TTC7A: variants seen among roughly 807,000 people sequenced by gnomAD.
TTC7A encodes tetratricopeptide repeat domain 7A, also known as tetratricopeptide repeat protein 7A.
Under a neutral mutation model 103.7 loss-of-function variants are expected in TTC7A, and 110 were observed. The observed-to-expected ratio is 1.06, with a 90% CI of 0.91 to 1.24. The LOEUF (loss-of-function observed/expected upper bound fraction) is 1.24, where lower values mean the gene tolerates loss of function less well. TTC7A is among the 50% of genes most tolerant of loss of function. The pLI is 0.00. For missense variants in TTC7A, 1,340 were observed against 1,116.3 expected, an observed-to-expected ratio of 1.20 and a Z score of -2.86; for synonymous variants, 521 against 467.9, an observed-to-expected ratio of 1.11 and a Z score of -1.47.
intron 15 of TTC7A, 138 bp from the exon 16 acceptor site, chr2:47,046,177 G>C (rs1682293961): frequency 1.5e-6 from 1 of 683,944 alleles, no homozygotes; most frequent in Non-Finnish European, 2.6e-6. Context: ...GGGCATGGCA[G>C]AGGCTGCTGC....
chr2:46,976,860 G>A (rs565834660), intron 4 of TTC7A, among the ~76,000 whole-genome samples: 3 of 152,290 alleles, frequency 2.0e-5, no homozygotes, highest in South Asian at 4.1e-4. Context: ...TGCTTGATTG[G>A]ACTTTAGGAG....
intron 18 of TTC7A, among the ~76,000 whole-genome samples, chr2:47,059,403 C>T: frequency 6.6e-6 from 1 of 152,220 alleles, no homozygotes; most frequent in East Asian, 1.9e-4. Flanking sequence ...GTTTCCCAAA[C>T]CTGGTGGGGC....
intron 19 of TTC7A, among the ~76,000 whole-genome samples, chr2:47,073,307 T>C (rs1463090488): frequency 6.6e-6 from 1 of 152,172 alleles, no homozygotes; most frequent in African/African-American, 2.4e-5. Flanking sequence ...TCCTGACTCC[T>C]TTCAACCTCA....
chr2:47,036,794 G>A (rs1280360350), intron 15 of TTC7A, among the ~76,000 whole-genome samples: 1 of 152,216 alleles, frequency 6.6e-6, no homozygotes, highest in Non-Finnish European at 1.5e-5. Flanking sequence ...GGAAGTTCAG[G>A]CTGCAGTGAG....
At chr2:47,049,627 C>G (rs140256337) in intron 16 of TTC7A, among the ~76,000 whole-genome samples, 196 of 152,236 alleles carry the variant, frequency 1.3e-3, no homozygotes, top group African/African-American at 4.5e-3. Flanking sequence ...CACTCTCTGC[C>G]TGGCACTCTG....
At chr2:46,997,004 A>G (rs1446866582) in intron 8 of TTC7A, among the ~76,000 whole-genome samples, 1 of 151,812 alleles carries the variant, frequency 6.6e-6, no homozygotes, top group African/African-American at 2.4e-5. Flanking sequence ...TTTGAGACAG[A>G]GTCTCCCTTT....
intron 5 of TTC7A, among the ~76,000 whole-genome samples, chr2:46,981,860 T>C (rs1346044301): frequency 6.6e-6 from 1 of 152,222 alleles, no homozygotes; most frequent in Non-Finnish European, 1.5e-5. Flanking sequence ...TGGAGTTGTT[T>C]GTCCAGAATG....
chr2:46,955,974 C>T lies in TTC7A; in HGVS notation c.349-865C>T, dbSNP rs78199335. On this transcript the variant is annotated intron_variant, in intron 2 of 19. Coordinates refer to ENST00000319190, the MANE Select transcript of TTC7A (RefSeq NM_020458.4). ...GGCCAGAGCAAATGGCCTGCAGAGG[C>T]GGGAGGTTACAAGGAGAACTGGGGC... Among the ~76,000 whole-genome samples, 1,267 of 152,232 alleles carry T rather than the reference C, an allele frequency of 8.3e-3. 14 individuals are homozygous for T. The highest frequency in any genetic ancestry group is 0.028 in the African/African-American group (1,173 of 41,520).
intron 1 of TTC7A, among the ~76,000 whole-genome samples, chr2:46,949,425 G>A (rs1169264792): frequency 7.2e-5 from 11 of 152,166 alleles, no homozygotes; most frequent in Admixed American, 5.2e-4. Flanking sequence ...TGGAGACAGA[G>A]TTTTGCCATG....
intron 15 of TTC7A, among the ~76,000 whole-genome samples, chr2:47,036,677 C>G (rs531328112): frequency 3.3e-5 from 5 of 152,264 alleles, no homozygotes; most frequent in African/African-American, 4.8e-5. Context: ...GGTAACATAG[C>G]AAGACCTCGT....
At chr2:46,923,114 G>A (rs1572636245) in intron 2 of TTC7A, among the ~76,000 whole-genome samples, 1 of 152,198 alleles carries the variant, frequency 6.6e-6, no homozygotes, top group African/African-American at 2.4e-5. Flanking sequence ...CTCCTGGCCT[G>A]TGGATGTCTT....
At chr2:47,011,508 T>A in intron 11 of TTC7A, 73 bp downstream of exon 11, 2 of 1,189,620 alleles carry the variant, frequency 1.7e-6, no homozygotes, top group Non-Finnish European at 2.4e-6. Context: ...GTGCACGTCT[T>A]GACGTGTATG....
At chr2:47,017,311 T>G (rs1314734871) in intron 11 of TTC7A, among the ~76,000 whole-genome samples, 1 of 151,336 alleles carries the variant, frequency 6.6e-6, no homozygotes, top group African/African-American at 2.4e-5. Context: ...GCCCAGGAGT[T>G]CCAGACAAGC....
intron 11 of TTC7A, 120 bp downstream of exon 11, chr2:47,011,555 AC>A: frequency 2.6e-6 from 2 of 775,224 alleles, no homozygotes; most frequent in Non-Finnish European, 4.1e-6. Context: ...GATGGGAGCT[AC>A]CAGGCAGATG....
At chr2:46,999,620 A>G (rs752986252) in intron 8 of TTC7A, 2 of 985,456 alleles carry the variant, frequency 2.0e-6, no homozygotes, top group Middle Eastern at 5.2e-4. Context: ...CTGGTCCCCA[A>G]ATCAGAAGGA....
intron 15 of TTC7A, among the ~76,000 whole-genome samples, chr2:47,043,478 G>A (rs1373713547): frequency 6.6e-6 from 1 of 152,186 alleles, no homozygotes; most frequent in African/African-American, 2.4e-5. Flanking sequence ...GGCTCAGGGA[G>A]CTGCTAATAC....
Position 47,007,422 on chromosome 2 carries a change from G to C in TTC7A, c.1287+698G>C, listed in dbSNP as rs1164837236. On this transcript the variant is annotated intron_variant, in intron 10 of 19. Coordinates refer to ENST00000319190, the MANE Select transcript of TTC7A (RefSeq NM_020458.4). This position sits in a 1 kb window ranked among gnomAD's most constrained non-coding sequence, Gnocchi z 4.9. ...AACCTTTCTGGAGCTGAGTTCTGAG[G>C]GTGTTGGGGCTGAGGATGCTATGAA... Among the ~76,000 whole-genome samples, 1 of 152,222 alleles carries C rather than the reference G, an allele frequency of 6.6e-6. No homozygotes were observed. The highest frequency in any genetic ancestry group is 1.9e-4 in the East Asian group (1 of 5,198).
rs756408478 is a variant in TTC7A, at chr2:47,051,903, C to A, written c.2152+23C>A. On this transcript the variant is annotated intron_variant, in intron 18 of 19. Coordinates refer to ENST00000319190, the MANE Select transcript of TTC7A (RefSeq NM_020458.4). ...CTGGTGAGTGCCCTGGTCCCAGTGA[C>A]ACACACAGCCTGTCTGCAGGCCACC... 3.2e-6 allele frequency: 5 copies of A among 1,579,126 alleles called. No individual in the cohort carries two copies. In the South Asian group the frequency reaches 5.6e-5, roughly 18 times the overall value.
At chr2:47,066,456 G>A (rs1455918180) in intron 19 of TTC7A, among the ~76,000 whole-genome samples, 1 of 152,032 alleles carries the variant, frequency 6.6e-6, no homozygotes, top group African/African-American at 2.4e-5. Flanking sequence ...TAGGTGCTCT[G>A]GGACTCTAAC....
Sources: gnomAD v4.1 joint callset for allele counts (sites outside exome capture counted in the v4.1 genomes callset) on GRCh38, gnomAD v4.1.1 for gene constraint, Gnocchi (gnomAD v3.1) non-coding constraint, MANE v1.5 for transcripts, NCBI Gene and HGNC (gene_info 2026-07-23, HGNC 2026-07-21) for gene names.